The following TMEM178B variants were observed in gnomAD, a reference collection of about 807,000 sequenced individuals.
The protein encoded by TMEM178B is transmembrane protein 178B.
A neutral mutation model predicts 31.0 loss-of-function variants in TMEM178B; 5 were observed. The ratio of observed to expected loss-of-function variants is 0.16; its 90% CI spans 0.08 to 0.34. The LOEUF (loss-of-function observed/expected upper bound fraction) is 0.34. Ranked by LOEUF, TMEM178B falls within the 10% of genes least tolerant of loss-of-function variation. The pLI, the probability that TMEM178B is intolerant of heterozygous loss-of-function variation, is 1.00. For missense variants in TMEM178B, 275 were observed against 400.3 expected (o/e 0.69, Z 2.67); for synonymous variants, 164 against 164.0 (o/e 1.00, Z 0.00).
chr7:141,333,316 A>G (rs947626387), intron 2 of TMEM178B, among the ~76,000 whole-genome samples: 12 of 152,322 alleles, frequency 7.9e-5, no homozygotes, highest in African/African-American at 2.9e-4. Flanking sequence ...GCCCTTTGTC[A>G]CAGCCAAGCA....
At chr7:141,102,372 A>G (rs1205309836) in intron 1 of TMEM178B, among the ~76,000 whole-genome samples, 1 of 151,958 alleles carries the variant, frequency 6.6e-6, no homozygotes, top group Non-Finnish European at 1.5e-5. Context: ...TTTGCTAGAG[A>G]CCCTATTTGC....
rs145906901 is a variant in TMEM178B, at chr7:141,471,371, A to T, written c.*585A>T. On this transcript the variant is annotated 3_prime_UTR_variant, in exon 4 of 4. Coordinates refer to ENST00000565468, the MANE Select transcript of TMEM178B (RefSeq NM_001195278.2). This position sits in a 1 kb window ranked among gnomAD's most constrained non-coding sequence, Gnocchi z 4.1. ...CTGCCAAACTTTTGGACCATGTTTCATAGGTGGGAAGGGAAGAGAACATGC... is the reference window on the plus strand; with the variant it reads ...CTGCCAAACTTTTGGACCATGTTTCTTAGGTGGGAAGGGAAGAGAACATGC... The T allele has an allele frequency of 6.6e-6, 1 of 152,188 alleles. No homozygotes were observed. Among genetic ancestry groups the T allele is most frequent in the African/African-American group, 2.4e-5 (1 of 41,448 alleles). 9.4% of individuals were successfully genotyped at this position (152,188 alleles called of 1,614,324 possible).
intron 2 of TMEM178B, among the ~76,000 whole-genome samples, chr7:141,371,137 TC>T (rs1800107582): frequency 6.6e-6 from 1 of 152,236 alleles, no homozygotes; most frequent in Non-Finnish European, 1.5e-5. Context: ...TGGATCTTTG[TC>T]CCTTCCAAAC....
chr7:141,290,290 G>GTGAA (rs1236700233), intron 2 of TMEM178B, among the ~76,000 whole-genome samples: 1 of 152,236 alleles, frequency 6.6e-6, no homozygotes, highest in Non-Finnish European at 1.5e-5. Context: ...GGGGTGAAGT[G>GTGAA]TGAATGGTCA....
rs995698773 is a variant in TMEM178B at position 141,428,249 on chromosome 7, T to G, written c.497-9359T>G. Among the ~76,000 whole-genome samples the G allele has an allele frequency of 2.0e-4, 30 of 151,726 alleles. 1 individual carries two copies. Among genetic ancestry groups the G allele is most frequent in the Middle Eastern group, 3.4e-3 (1 of 292 alleles). ...TGGGCATGGTGGCACATGCCTGTTA[T>G]CCCAGCTACTTGGGAGGCTGAGGCA... On this transcript the variant is annotated intron_variant, in intron 2 of 3. Transcript: ENST00000565468.
intron 2 of TMEM178B, among the ~76,000 whole-genome samples, chr7:141,365,101 C>T (rs1799981946): frequency 6.6e-6 from 1 of 152,224 alleles, no homozygotes; most frequent in African/African-American, 2.4e-5. Flanking sequence ...CTCAGAAACC[C>T]CATCTCCTCA....
At chr7:141,336,921 C>CACCACCACCAT (rs1799406993) in intron 2 of TMEM178B, among the ~76,000 whole-genome samples, 2 of 133,896 alleles carry the variant, frequency 1.5e-5, no homozygotes, top group African/African-American at 5.9e-5. Context: ...ACCACCACCA[C>CACCACCACCAT]CACCACCACC....
At chr7:141,497,760 C>T in the TMEM178B span, among the ~76,000 whole-genome samples, 6 of 152,176 alleles carry the variant, frequency 3.9e-5, no homozygotes, top group South Asian at 4.1e-4. Context: ...TTAGAAACTG[C>T]GGCATGATAT....
intron 1 of TMEM178B, among the ~76,000 whole-genome samples, chr7:141,103,221 C>A (rs1795086931): frequency 6.6e-6 from 1 of 152,216 alleles, no homozygotes; most frequent in Non-Finnish European, 1.5e-5. Context: ...AAGGAAGAAA[C>A]CAGTCTAGAC....
intron 2 of TMEM178B, among the ~76,000 whole-genome samples, chr7:141,212,937 G>A (rs1797073116): frequency 1.3e-5 from 2 of 152,168 alleles, no homozygotes; most frequent in African/African-American, 4.8e-5. Flanking sequence ...TCAAAACTTC[G>A]GAAACAACTA....
chr7:141,350,154 G>A (rs558151189), intron 2 of TMEM178B, among the ~76,000 whole-genome samples: 4 of 152,044 alleles, frequency 2.6e-5, no homozygotes, highest in Admixed American at 6.6e-5. Context: ...ACAATGAACC[G>A]AAAAAACACA....
chr7:141,133,164 C>A (rs1795620347), intron 1 of TMEM178B, among the ~76,000 whole-genome samples: 1 of 151,758 alleles, frequency 6.6e-6, no homozygotes, highest in African/African-American at 2.4e-5. Context: ...TGTAAGGACA[C>A]AATAAACATG....
the TMEM178B span, among the ~76,000 whole-genome samples, chr7:141,488,628 C>T: frequency 2.0e-5 from 3 of 151,908 alleles, no homozygotes; most frequent in Admixed American, 1.3e-4. Context: ...TTAGTAGAGA[C>T]GGGGTTTTCC....
chr7:141,364,659 CAAA>C (rs980786132), intron 2 of TMEM178B, among the ~76,000 whole-genome samples: 523 of 47,660 alleles, frequency 0.011, 3 homozygotes, highest in African/African-American at 0.035. Context: ...GACTCTGTCT[CAAA>C]AAAAAAAAAA....
intron 2 of TMEM178B, among the ~76,000 whole-genome samples, chr7:141,384,106 T>C (rs1180545141): frequency 6.6e-6 from 1 of 152,224 alleles, no homozygotes; most frequent in Non-Finnish European, 1.5e-5. Context: ...TCTTTGTAGA[T>C]TCCGGATATT....
chr7:141,417,811 T>C (rs575037744), intron 2 of TMEM178B, among the ~76,000 whole-genome samples: 4 of 152,318 alleles, frequency 2.6e-5, no homozygotes, highest in African/African-American at 9.6e-5. Context: ...CTCTAAGTAA[T>C]ATGCAAGTAT....
At position 141,470,855 on chromosome 7, in the gene TMEM178B, A is replaced by G. The variant is rs997122521; in HGVS notation, c.*69A>G. 10 of 915,280 alleles carry G rather than the reference A, an allele frequency of 1.1e-5. No individual in the cohort carries two copies. Among genetic ancestry groups the G allele is most frequent in the Non-Finnish European group, 1.4e-5 (10 of 739,806 alleles). The allele number at this position is 915,280 out of a possible 1,614,324, so 56.7% of individuals were successfully genotyped here. A position where few individuals can be genotyped will look rare whatever the true frequency, so the allele number is the denominator to read the frequency against. ...ATAATATACATATATAAAACAAAAC[A>G]AAACTAAATCAAGACGATGCCAGTG... is the stretch of plus-strand genomic sequence containing the variant. On this transcript the variant is annotated 3_prime_UTR_variant, in exon 4 of 4. Coordinates refer to ENST00000565468, the MANE Select transcript of TMEM178B (RefSeq NM_001195278.2).
chr7:141,137,083 A>G (rs1795686887), intron 1 of TMEM178B, among the ~76,000 whole-genome samples: 1 of 152,204 alleles, frequency 6.6e-6, no homozygotes, highest in Non-Finnish European at 1.5e-5. Flanking sequence ...GGGGATGTGG[A>G]GAAAAGGGAA....
intron 2 of TMEM178B, among the ~76,000 whole-genome samples, chr7:141,421,445 T>C (rs1801208181): frequency 6.6e-6 from 1 of 152,088 alleles, no homozygotes; most frequent in African/African-American, 2.4e-5. Flanking sequence ...TGGTAGCACT[T>C]TACAGTTTAC....
Sources: allele counts gnomAD v4.1 joint callset (sites outside exome capture counted in the v4.1 genomes callset), GRCh38; gene constraint gnomAD v4.1.1; non-coding constraint Gnocchi (gnomAD v3.1); transcripts MANE v1.5; gene names NCBI Gene and HGNC (gene_info 2026-07-23, HGNC 2026-07-21).